The following IL16 variants were observed in gnomAD, a reference collection of about 807,000 sequenced individuals.
IL16 encodes the protein pro-interleukin-16.
IL16 carries 67 observed loss-of-function variants against 110.1 expected under a neutral mutation model. The ratio of observed to expected loss-of-function variants is 0.61; its 90% CI spans 0.50 to 0.75. The LOEUF (loss-of-function observed/expected upper bound fraction) is 0.75. IL16 is among the 30% of genes least tolerant of loss of function. The pLI, the probability that IL16 is intolerant of heterozygous loss-of-function variation, is 0.00. For missense variants in IL16, 1,545 were observed against 1,655.0 expected, an observed-to-expected ratio of 0.93 and a Z score of 1.15; for synonymous variants, 689 against 662.9, an observed-to-expected ratio of 1.04 and a Z score of -0.61.
intron 1 of IL16, among the ~76,000 whole-genome samples, chr15:81,215,120 A>G (rs2142002696): frequency 7.8e-6 from 1 of 128,794 alleles, no homozygotes; most frequent in South Asian, 2.2e-4. Flanking sequence ...TATGTCTGTC[A>G]TTTCAGTCAT....
At chr15:81,206,078 T>G (rs956163255) in intron 1 of IL16, among the ~76,000 whole-genome samples, 1 of 152,232 alleles carries the variant, frequency 6.6e-6, no homozygotes, top group African/African-American at 2.4e-5. Context: ...TAAGATTTTT[T>G]CAGATTAATT....
rs1281300431 is a variant in IL16, at chr15:81,292,691, G to A, written c.1556G>A (p.Gly519Glu). 6.2e-7 allele frequency: 1 copy of A among 1,614,034 alleles called. No individual in the cohort carries two copies. Among genetic ancestry groups the A allele is most frequent in the African/African-American group, 1.3e-5 (1 of 74,932 alleles). ...AGCAGTGACAGCAGCTACATGTCTG[G>A]GTCCCCAGGGGGAAGTCCTGGGAGT... ...RSSSDSSYMS[G>E]SPGGSPGSGS... The change falls in exon 12 of 19, where the codon GGG becomes GAG. Residue 519 changes from glycine (G) to glutamate (E), a missense_variant. By Grantham distance (98) the Gly-to-Glu change is moderately conservative. Coordinates refer to ENST00000683961, the MANE Select transcript of IL16 (RefSeq NM_172217.5).
chr15:81,228,208 G>T (rs1207795861), intron 2 of IL16, among the ~76,000 whole-genome samples: 2 of 152,146 alleles, frequency 1.3e-5, no homozygotes, highest in East Asian at 1.9e-4. Context: ...CAGGAGGCTG[G>T]ATACTTGAGA....
At chr15:81,248,502 A>G (rs143024308) in intron 2 of IL16, among the ~76,000 whole-genome samples, 45 of 149,380 alleles carry the variant, frequency 3.0e-4, no homozygotes, top group African/African-American at 1.1e-3. Flanking sequence ...TATATTTAAA[A>G]TTATTAAAAA....
chr15:81,215,918 C>T (rs59931543), intron 1 of IL16, among the ~76,000 whole-genome samples: 7,827 of 152,282 alleles, frequency 0.051, 692 homozygotes, highest in African/African-American at 0.18. Context: ...CTATGTGCTC[C>T]AGATCACCAG....
chr15:81,215,712 T>G (rs1896402057), intron 1 of IL16, among the ~76,000 whole-genome samples: 1 of 152,194 alleles, frequency 6.6e-6, no homozygotes, highest in Admixed American at 6.5e-5. Flanking sequence ...AGGCATAGCT[T>G]GTTCCCACCC....
intron 2 of IL16, among the ~76,000 whole-genome samples, chr15:81,231,332 C>A (rs1005378105): frequency 1.9e-5 from 2 of 107,350 alleles, no homozygotes; most frequent in Non-Finnish European, 3.8e-5. Context: ...CTGTCTCTCT[C>A]TCTCTCTCTC....
intron 10 of IL16, 127 bp from the exon 11 acceptor site, chr15:81,290,326 A>C (rs1899651544): frequency 3.4e-6 from 2 of 595,942 alleles, no homozygotes; most frequent in Admixed American, 6.7e-5. Context: ...TTCATCAGCT[A>C]TTTGCAGAGT....
At chr15:81,306,334 T>A in intron 17 of IL16, 86 bp from the exon 18 acceptor site, 1 of 1,573,006 alleles carries the variant, frequency 6.4e-7, no homozygotes. Context: ...ACGGGGGCTG[T>A]ATCACCCCGG....
intron 2 of IL16, among the ~76,000 whole-genome samples, chr15:81,239,328 G>C (rs1897273886): frequency 1.3e-5 from 2 of 152,178 alleles, no homozygotes; most frequent in African/African-American, 4.8e-5. Context: ...TGGCATTTCA[G>C]TGTTCAGAGC....
intron 1 of IL16, among the ~76,000 whole-genome samples, chr15:81,219,490 T>C (rs536614659): frequency 3.3e-5 from 5 of 151,998 alleles, no homozygotes; most frequent in Admixed American, 6.6e-5. Flanking sequence ...GAAATCCCTT[T>C]CCTGACTTAT....
At chr15:81,259,533 G>A (rs943740317) in intron 2 of IL16, among the ~76,000 whole-genome samples, 5 of 152,098 alleles carry the variant, frequency 3.3e-5, no homozygotes, top group Admixed American at 6.5e-5. Flanking sequence ...AATTTGTGTC[G>A]CATTAGTTTA....
Position 81,308,788 on chromosome 15 carries a change from G to A in IL16, c.3989G>A (p.Gly1330Glu). ...SLQSKETTAA[G>E]DS is the part of the protein sequence containing the mutation. ...CAGTCCAAGGAAACCACAGCTGCTGGAGACTCCTAGGCAGGACATGCTGAA... is the reference window on the plus strand; with the variant it reads ...CAGTCCAAGGAAACCACAGCTGCTGAAGACTCCTAGGCAGGACATGCTGAA... The change falls in exon 19 of 19, where the codon GGA (glycine) becomes GAA (glutamate). Residue 1330 changes from glycine (G) to glutamate (E), a missense_variant. Gly to Glu is a moderately conservative substitution (Grantham distance 98). This residue lies in a region of IL16 where 356 missense variants were observed against 399.3 expected (regional missense o/e 0.89). Transcript: ENST00000683961. 6.2e-7 allele frequency: 1 copy of A among 1,612,678 alleles called. No individual in the cohort carries two copies.
intron 5 of IL16, among the ~76,000 whole-genome samples, chr15:81,272,687 C>T (rs1170090528): frequency 1.3e-5 from 2 of 152,206 alleles, no homozygotes; most frequent in African/African-American, 4.8e-5. Flanking sequence ...TACTTTCAAA[C>T]ACAACCCTGT....
exon 1 of IL16, chr15:81,182,838 C>T (rs1895364074): frequency 2.3e-6 from 3 of 1,288,716 alleles, no homozygotes; most frequent in Non-Finnish European, 3.0e-6. Flanking sequence ...CTCTCTCTCC[C>T]TCCCTCAAAC....
chr15:81,183,020 A>C (rs1595928905), intron 1 of IL16: 2 of 502,068 alleles, frequency 4.0e-6, no homozygotes, highest in Non-Finnish European at 7.0e-6. Flanking sequence ...GTAGTATATG[A>C]GTGAGTGTGT....
At chr15:81,263,439 C>T (rs1432661897) in intron 3 of IL16, among the ~76,000 whole-genome samples, 2 of 149,150 alleles carry the variant, frequency 1.3e-5, no homozygotes, top group African/African-American at 2.5e-5. Context: ...GTTTAAACTT[C>T]CCCCAATGGA....
At chr15:81,203,701 A>C (rs1555412145) in intron 1 of IL16, among the ~76,000 whole-genome samples, 1 of 152,214 alleles carries the variant, frequency 6.6e-6, no homozygotes, top group African/African-American at 2.4e-5. Context: ...TGGTACCAGT[A>C]CCATGCTGTT....
chr15:81,300,396 C>G lies in IL16; in HGVS notation c.3070C>G (p.Pro1024Ala). The change falls in exon 14 of 19, where the codon CCA becomes GCA. Residue 1024 changes from proline to alanine, a missense_variant. Pro to Ala is a conservative substitution (Grantham distance 27, BLOSUM62 -1). Transcript: ENST00000683961. ...TPCIPKEGAS[P>A]TSSSNEDSAA... ...CTGCATCCCCAAGGAAGGGGCATCT[C>G]CAACATCATCATCCAACGAAGACTC... 1 of 1,614,180 alleles carries G rather than the reference C, an allele frequency of 6.2e-7. No individual in the cohort carries two copies. Among genetic ancestry groups the G allele is most frequent in the South Asian group, 1.1e-5 (1 of 91,084 alleles).
Sources: allele counts gnomAD v4.1 joint callset (sites outside exome capture counted in the v4.1 genomes callset), GRCh38; gene constraint gnomAD v4.1.1; regional missense constraint gnomAD v4.1.1; transcripts MANE v1.5; gene names NCBI Gene and HGNC (gene_info 2026-07-23, HGNC 2026-07-21).